USP34: variants seen among roughly 807,000 people sequenced by gnomAD.
USP34 encodes the protein ubiquitin specific peptidase 34.
Under a neutral mutation model 460.3 loss-of-function variants are expected in USP34, and 70 were observed. The observed-to-expected ratio is 0.15, with a 90% CI of 0.13 to 0.19. The LOEUF (loss-of-function observed/expected upper bound fraction) is 0.19. Ranked by LOEUF, USP34 falls within the 10% of genes least tolerant of loss-of-function variation. USP34 has a pLI of 1.00. For missense variants in USP34, 3,985 were observed against 4,236.2 expected, an observed-to-expected ratio of 0.94 and a Z score of 1.65; for synonymous variants, 1,647 against 1,405.3, an observed-to-expected ratio of 1.17 and a Z score of -3.85.
At chr2:61,433,351 C>T (rs1232532657) in intron 1 of USP34, among the ~76,000 whole-genome samples, 2 of 152,142 alleles carry the variant, frequency 1.3e-5, no homozygotes, top group Non-Finnish European at 2.9e-5. Flanking sequence ...AGTGGCGAAT[C>T]GGCCAGGTGC....
At chr2:61,394,515 G>T (rs1294893390) in intron 5 of USP34, among the ~76,000 whole-genome samples, 1 of 137,194 alleles carries the variant, frequency 7.3e-6, no homozygotes, top group South Asian at 2.3e-4. Context: ...CTAAACAACG[G>T]AGTGAGACCC....
intron 50 of USP34, 52 bp from the exon 51 acceptor site, chr2:61,245,340 A>C: frequency 9.5e-7 from 1 of 1,052,950 alleles, no homozygotes; most frequent in Non-Finnish European, 1.3e-6. Context: ...GAGTATCTTC[A>C]TATTATGTCT....
chr2:61,442,152 A>AAT (rs1305250656), intron 1 of USP34, among the ~76,000 whole-genome samples: 1 of 152,184 alleles, frequency 6.6e-6, no homozygotes, highest in Non-Finnish European at 1.5e-5. Flanking sequence ...ACAAAACTAT[A>AAT]AGACTACTAG....
rs374251365 is a variant in USP34, at chr2:61,421,797, A to ACGCG, written c.44-968_44-965dup. On this transcript the variant is annotated intron_variant, in intron 1 of 79. Transcript: ENST00000398571. ...AAAACACACACACACACACACACAC[A>ACGCG]CGCGCGCGCGCGCACCTTCTACTTA... Among the ~76,000 whole-genome samples the ACGCG allele has an allele frequency of 5.7e-3, 843 of 147,386 alleles. 6 individuals carry two copies. Among genetic ancestry groups the ACGCG allele is most frequent in the East Asian group, 0.02 (98 of 4,962 alleles).
chr2:61,389,446 TA>T (rs1221462103), intron 5 of USP34, among the ~76,000 whole-genome samples: 1 of 152,116 alleles, frequency 6.6e-6, no homozygotes, highest in East Asian at 1.9e-4. Context: ...CACAAGTGAT[TA>T]AAAATTTCAA....
At chr2:61,291,266 T>G (rs1367261800) in intron 33 of USP34, among the ~76,000 whole-genome samples, 1 of 151,958 alleles carries the variant, frequency 6.6e-6, no homozygotes, top group Non-Finnish European at 1.5e-5. Flanking sequence ...CTTTACACAC[T>G]AGGATAGCTA....
chr2:61,407,967 TA>T (rs1324911274), intron 2 of USP34, among the ~76,000 whole-genome samples: 1 of 151,910 alleles, frequency 6.6e-6, no homozygotes, highest in Non-Finnish European at 1.5e-5. Flanking sequence ...ATACAAAAAT[TA>T]GCCAGGCGTG....
chr2:61,280,433 A>T (rs1035341903), intron 38 of USP34, 85 bp from the exon 39 acceptor site: 1 of 625,818 alleles, frequency 1.6e-6, no homozygotes. Context: ...GGCTTTATGA[A>T]ATAAATTCCT....
intron 7 of USP34, 151 bp from the exon 8 acceptor site, chr2:61,378,575 G>A (rs933533845): frequency 9.9e-6 from 5 of 507,096 alleles, no homozygotes; most frequent in Non-Finnish European, 1.8e-5. Context: ...AGAGACACAC[G>A]CTTCCCAATT....
intron 18 of USP34, among the ~76,000 whole-genome samples, chr2:61,336,917 T>C (rs1248612133): frequency 6.6e-6 from 1 of 152,180 alleles, no homozygotes; most frequent in Non-Finnish European, 1.5e-5. Context: ...CTTTTCTTTT[T>C]AACGGTTAGG....
intron 75 of USP34, among the ~76,000 whole-genome samples, chr2:61,197,062 G>A (rs1224290733): frequency 1.3e-5 from 2 of 152,280 alleles, no homozygotes; most frequent in South Asian, 2.1e-4. Flanking sequence ...ATCACTTGAA[G>A]TTAGGAGTTC....
At chr2:61,225,876 A>AT (rs1180079686) in intron 62 of USP34, among the ~76,000 whole-genome samples, 1 of 152,198 alleles carries the variant, frequency 6.6e-6, no homozygotes, top group African/African-American at 2.4e-5. Context: ...TCTAACACGT[A>AT]TTTTCCCTAT....
chr2:61,353,908 C>G (rs1692029184), intron 10 of USP34, among the ~76,000 whole-genome samples: 1 of 152,052 alleles, frequency 6.6e-6, no homozygotes, highest in Non-Finnish European at 1.5e-5. Flanking sequence ...CACAAGGATT[C>G]AAAGGCAGCT....
chr2:61,453,195 G>C (rs1030673321), intron 1 of USP34, among the ~76,000 whole-genome samples: 1 of 152,042 alleles, frequency 6.6e-6, no homozygotes, highest in African/African-American at 2.4e-5. Context: ...TGGATTGCTA[G>C]AGCCCATGAG....
At chr2:61,285,692 T>C (rs1025192229) in intron 34 of USP34, among the ~76,000 whole-genome samples, 1 of 151,998 alleles carries the variant, frequency 6.6e-6, no homozygotes, top group Admixed American at 6.6e-5. Context: ...TTGAAGAAAA[T>C]ATATTTAAAA....
chr2:61,398,961 A>C (rs1256006344), intron 3 of USP34, among the ~76,000 whole-genome samples: 1 of 152,198 alleles, frequency 6.6e-6, no homozygotes, highest in East Asian at 1.9e-4. Flanking sequence ...CCAGAATTTA[A>C]GACCTCCTGT....
chr2:61,310,839 G>C (rs569124352), intron 27 of USP34, among the ~76,000 whole-genome samples: 1 of 152,172 alleles, frequency 6.6e-6, no homozygotes, highest in Admixed American at 6.5e-5. Flanking sequence ...AAGTGGATGA[G>C]TAGTATATGG....
At chr2:61,402,013 G>A (rs1693736027) in intron 3 of USP34, among the ~76,000 whole-genome samples, 1 of 151,760 alleles carries the variant, frequency 6.6e-6, no homozygotes, top group East Asian at 2.0e-4. Context: ...GCACTTTGGA[G>A]GTCAAGGCAG....
Position 61,227,201 on chromosome 2 carries a change from T to C in USP34, c.7461A>G (p.Leu2487=). ...CTTCTTCTTCCCCTTCTTCCTCTGATAACACTTCAACTTGAGGCTAAGTTG... is the reference window on the plus strand; with the variant it reads ...CTTCTTCTTCCCCTTCTTCCTCTGACAACACTTCAACTTGAGGCTAAGTTG... ...KGPENPQVEV[L]SEEEGEEEEE... is the part of the protein sequence containing the mutation. Residue 2487 remains leucine (L), a synonymous_variant, in exon 62 of 80, where the codon TTA becomes TTG. Transcript: ENST00000398571. 4 of 1,612,528 alleles carry C rather than the reference T, an allele frequency of 2.5e-6. No individual in the cohort carries two copies. The highest frequency in any genetic ancestry group is 3.4e-6 in the Non-Finnish European group (4 of 1,179,232).
Sources: allele counts gnomAD v4.1 joint callset (sites outside exome capture counted in the v4.1 genomes callset), GRCh38; gene constraint gnomAD v4.1.1; transcripts MANE v1.5; gene names NCBI Gene and HGNC (gene_info 2026-07-23, HGNC 2026-07-21).